CNTNAP2: variants seen among roughly 807,000 people sequenced by gnomAD.
The protein encoded by CNTNAP2 is contactin associated protein 2, also known as contactin-associated protein-like 2.
CNTNAP2 carries 98 observed loss-of-function variants against 155.2 expected under a neutral mutation model. The observed-to-expected ratio is 0.63, with a 90% CI of 0.54 to 0.75. The LOEUF is 0.75. CNTNAP2 is among the 30% of genes least tolerant of loss of function. The pLI, the probability that CNTNAP2 is intolerant of heterozygous loss-of-function variation, is 0.00. For missense variants in CNTNAP2, 1,727 were observed against 1,688.1 expected, an observed-to-expected ratio of 1.02 and a Z score of -0.40; for synonymous variants, 651 against 631.2, an observed-to-expected ratio of 1.03 and a Z score of -0.47.
chr7:147,352,097 A>G (rs1417088303), intron 9 of CNTNAP2, among the ~76,000 whole-genome samples: 5 of 151,972 alleles, frequency 3.3e-5, no homozygotes, highest in African/African-American at 1.2e-4. Flanking sequence ...CTTTAGGTTA[A>G]TGTGTATTTC....
In CNTNAP2 at chr7:147,274,642, T is replaced by A. The variant is rs372446737; in HGVS notation, c.1349-25499T>A. The stretch of plus-strand genomic sequence containing the variant: ...GTAGGTTGTCTGTTTATTCTGTTGT[T>A]TATTTCTTTTGGTGTGCAGAAACTT... On this transcript the variant is annotated intron_variant, in intron 8 of 23. Coordinates refer to ENST00000361727, the MANE Select transcript of CNTNAP2 (RefSeq NM_014141.6). Among the ~76,000 whole-genome samples the A allele has an allele frequency of 2.0e-5, 3 of 152,302 alleles. 1 individual carries two copies. Among genetic ancestry groups the A allele is most frequent in the South Asian group, 4.1e-4 (2 of 4,830 alleles).
intron 11 of CNTNAP2, among the ~76,000 whole-genome samples, chr7:147,547,371 G>C (rs1033383597): frequency 1.3e-5 from 2 of 151,984 alleles, no homozygotes; most frequent in African/African-American, 4.8e-5. Context: ...CTCTTCACCA[G>C]CCACTAATGC....
chr7:147,288,755 A>G (rs1037930571), intron 8 of CNTNAP2, among the ~76,000 whole-genome samples: 1 of 152,168 alleles, frequency 6.6e-6, no homozygotes, highest in African/African-American at 2.4e-5. Flanking sequence ...AATAAATGTC[A>G]CTTTATGGAT....
chr7:146,835,373 G>A (rs1048961898), intron 2 of CNTNAP2, among the ~76,000 whole-genome samples: 2 of 151,968 alleles, frequency 1.3e-5, no homozygotes, highest in African/African-American at 2.4e-5. Context: ...TGTTGCTTTT[G>A]GTAATACATA....
chr7:147,871,931 G>A (rs75543624), intron 13 of CNTNAP2, among the ~76,000 whole-genome samples: 5,013 of 152,136 alleles, frequency 0.033, 132 homozygotes, highest in Non-Finnish European at 0.053. Context: ...CCACTACCTC[G>A]ACATGCTCCT....
At chr7:146,736,106 T>C (rs1458118368) in intron 1 of CNTNAP2, among the ~76,000 whole-genome samples, 1 of 152,158 alleles carries the variant, frequency 6.6e-6, no homozygotes, top group Non-Finnish European at 1.5e-5. Context: ...ATAACAATTA[T>C]TCATATGGCA....
At chr7:147,850,596 A>T (rs909808109) in intron 13 of CNTNAP2, among the ~76,000 whole-genome samples, 1 of 152,364 alleles carries the variant, frequency 6.6e-6, no homozygotes, top group Non-Finnish European at 1.5e-5. Context: ...GGAACAGAAC[A>T]GAGGCATCAG....
chr7:146,915,472 T>A (rs1036330362), intron 3 of CNTNAP2, among the ~76,000 whole-genome samples: 2 of 152,180 alleles, frequency 1.3e-5, no homozygotes, highest in African/African-American at 4.8e-5. Flanking sequence ...TTTGTTTGTG[T>A]CATCTATGAT....
Position 146,350,575 on chromosome 7 carries a change from T to A in CNTNAP2, c.97+233602T>A, listed in dbSNP as rs1794898037. On this transcript the variant is annotated intron_variant, in intron 1 of 23. Coordinates refer to ENST00000361727, the MANE Select transcript of CNTNAP2 (RefSeq NM_014141.6). The stretch of plus-strand genomic sequence containing the variant: ...GAGAAATAGGAACACTTTTACACTG[T>A]TGGTGGGACTGTAAACTAATTCAAC... Among the ~76,000 whole-genome samples the A allele has an allele frequency of 2.6e-5, 4 of 151,738 alleles. No homozygotes were observed. The South Asian group carries it at 8.3e-4, about 31-fold the overall frequency.
chr7:146,443,259 GATAA>G (rs1426797069), intron 1 of CNTNAP2, among the ~76,000 whole-genome samples: 7 of 131,312 alleles, frequency 5.3e-5, no homozygotes, highest in African/African-American at 1.3e-4. Flanking sequence ...TAAATAAATA[GATAA>G]ATAAAAGCAT....
intron 1 of CNTNAP2, among the ~76,000 whole-genome samples, chr7:146,476,718 T>C (rs1243210702): frequency 6.6e-6 from 1 of 152,134 alleles, no homozygotes; most frequent in Non-Finnish European, 1.5e-5. Flanking sequence ...ATATGGAGAA[T>C]CTAATAAACA....
chr7:146,422,261 ATATTCT>A (rs1234373628), intron 1 of CNTNAP2, among the ~76,000 whole-genome samples: 1 of 151,064 alleles, frequency 6.6e-6, no homozygotes, highest in African/African-American at 2.4e-5. Context: ...ATTGCAATAA[ATATTCT>A]TATACATGTA....
At chr7:147,858,674 C>T (rs949597360) in intron 13 of CNTNAP2, among the ~76,000 whole-genome samples, 1 of 152,078 alleles carries the variant, frequency 6.6e-6, no homozygotes, top group Non-Finnish European at 1.5e-5. Context: ...GACTGGTATC[C>T]TCATAAGAAA....
At chr7:146,673,728 G>A (rs1447761606) in intron 1 of CNTNAP2, among the ~76,000 whole-genome samples, 1 of 152,068 alleles carries the variant, frequency 6.6e-6, no homozygotes, top group African/African-American at 2.4e-5. Context: ...ACCTGCAGTG[G>A]AGCACCATGC....
At chr7:148,267,714 G>A (rs557548340) in intron 21 of CNTNAP2, among the ~76,000 whole-genome samples, 1 of 151,936 alleles carries the variant, frequency 6.6e-6, no homozygotes, top group East Asian at 1.9e-4. Context: ...GGTAATGGGG[G>A]CTTCTAAGTC....
rs536911507 is a variant in CNTNAP2, at chr7:146,339,533, G to A, written c.97+222560G>A. Among the ~76,000 whole-genome samples, 177 of 152,230 alleles carry A rather than the reference G, an allele frequency of 1.2e-3. 1 individual carries two copies. The highest frequency in any genetic ancestry group is 4.0e-3 in the African/African-American group (165 of 41,534). On this transcript the variant is annotated intron_variant, in intron 1 of 23. Coordinates refer to ENST00000361727, the MANE Select transcript of CNTNAP2 (RefSeq NM_014141.6). ...ATAGTTACATGAATGTTGAATGTTT[G>A]TATATTGAACTTGCATATTCTATTA...
chr7:146,288,483 A>G (rs1800374605), intron 1 of CNTNAP2, among the ~76,000 whole-genome samples: 1 of 152,118 alleles, frequency 6.6e-6, no homozygotes, highest in Admixed American at 6.6e-5. Flanking sequence ...GCAGGCCCTC[A>G]GATAATGTTG....
Position 148,119,305 on chromosome 7 carries a change from C to T in CNTNAP2, c.2554+1017C>T, listed in dbSNP as rs186499520. Among the ~76,000 whole-genome samples, 165 of 151,628 alleles carry T rather than the reference C, an allele frequency of 1.1e-3. 3 individuals carry two copies. The East Asian group carries it at 0.029, about 27-fold the overall frequency. ...TTGGGAGGCTGATTTGGGTGGATCA[C>T]GAGGTCAGGAGTTCGAGACCATCCT... On this transcript the variant is annotated intron_variant, in intron 16 of 23. Transcript: ENST00000361727.
chr7:146,185,761 C>CCTTTTTTTTT lies in CNTNAP2; in HGVS notation c.97+68788_97+68789insCTTTTTTTTT, dbSNP rs1554400925. Among the ~76,000 whole-genome samples the CCTTTTTTTTT allele has an allele frequency of 2.1e-5, 2 of 94,888 alleles. 1 individual carries two copies. Among genetic ancestry groups the CCTTTTTTTTT allele is most frequent in the African/African-American group, 8.0e-5 (2 of 25,072 alleles). The allele number at this position is 94,888 out of a possible 152,430, so 62.3% of individuals were successfully genotyped here. A position where few individuals can be genotyped will look rare whatever the true frequency, so the allele number is the denominator to read the frequency against. On this transcript the variant is annotated intron_variant, in intron 1 of 23. Coordinates refer to ENST00000361727, the MANE Select transcript of CNTNAP2 (RefSeq NM_014141.6). ...TTCAGGGAGTGAACTTTTTATTATTCTTTTTTTTTTTTTTTTTGTAGAACA... is the reference window on the plus strand; with the variant it reads ...TTCAGGGAGTGAACTTTTTATTATTCCTTTTTTTTTTTTTTTTTTTTTTTTTTGTAGAACA...
Sources: allele counts gnomAD v4.1 joint callset (sites outside exome capture counted in the v4.1 genomes callset), GRCh38; gene constraint gnomAD v4.1.1; transcripts MANE v1.5; gene names NCBI Gene and HGNC (gene_info 2026-07-23, HGNC 2026-07-21).